The following PCDH11X variants were observed in gnomAD, a reference collection of about 807,000 sequenced individuals.
The protein encoded by PCDH11X is protocadherin 11 X-linked, also known as protocadherin-11 X-linked.
Under a neutral mutation model 53.3 loss-of-function variants are expected in PCDH11X, and 18 were observed. That is an observed-to-expected ratio of 0.34 (90% CI 0.23 to 0.50). The LOEUF is 0.50. Among genes scored for constraint, PCDH11X ranks in the 20% least tolerant of loss-of-function variants. The pLI, the probability that PCDH11X is intolerant of heterozygous loss-of-function variation, is 0.98. For missense variants in PCDH11X, 570 were observed against 1,032.4 expected (o/e 0.55, Z 6.14); for synonymous variants, 279 against 393.3 (o/e 0.71, Z 3.44).
intron 6 of PCDH11X, among the ~76,000 whole-genome samples, chrX:92,068,810 G>T (rs2063655142): frequency 9.0e-6 from 1 of 110,694 alleles, no homozygotes; most frequent in Non-Finnish European, 1.9e-5. Context: ...AAAGTGCTGT[G>T]ATTACAGGTG....
At chrX:92,396,704 A>T (rs1326638928) in intron 9 of PCDH11X, among the ~76,000 whole-genome samples, 3 of 103,977 alleles carry the variant, frequency 2.9e-5, no homozygotes, top group Non-Finnish European at 5.8e-5. Flanking sequence ...TTAGCTGGGC[A>T]TGATGGTGGG....
Position 92,485,052 on chromosome X carries a change from T to A in PCDH11X, c.3367+16730T>A, listed in dbSNP as rs767430749. Among the ~76,000 whole-genome samples the A allele has an allele frequency of 3.9e-3, 437 of 110,700 alleles. 3 individuals carry two copies. Among genetic ancestry groups the A allele is most frequent in the Middle Eastern group, 0.011 (2 of 190 alleles). On this transcript the variant is annotated intron_variant, in intron 10 of 10. Transcript: ENST00000682573. ...ACATTTATTAATACATATTTGTTTG[T>A]ATTTACATATAAAATGAGGTCTGAG...
At chrX:92,522,092 G>T (rs1024542211) in intron 10 of PCDH11X, among the ~76,000 whole-genome samples, 1 of 112,111 alleles carries the variant, frequency 8.9e-6, no homozygotes, top group African/African-American at 3.2e-5. Flanking sequence ...TCAAGACCTT[G>T]TCCTTTGCAG....
chrX:92,359,682 A>T (rs1368028580), intron 8 of PCDH11X, among the ~76,000 whole-genome samples: 2 of 110,940 alleles, frequency 1.8e-5, no homozygotes, highest in East Asian at 2.8e-4. Context: ...ATGATATCTA[A>T]CTATCTCTTC....
chrX:92,113,897 T>A, intron 6 of PCDH11X: 1 of 1,202,096 alleles, frequency 8.3e-7, no homozygotes, highest in Non-Finnish European at 1.1e-6. Context: ...AATCCACGGC[T>A]TAACATTTCG....
chrX:92,356,158 G>A (rs2070201004), intron 8 of PCDH11X, among the ~76,000 whole-genome samples: 1 of 111,389 alleles, frequency 9.0e-6, no homozygotes, highest in Admixed American at 9.5e-5. Context: ...TTTCTTTGAT[G>A]CACTAAGAAT....
intron 6 of PCDH11X, chrX:92,113,151 C>T: frequency 3.4e-6 from 3 of 891,414 alleles, no homozygotes; most frequent in Non-Finnish European, 4.5e-6. Context: ...GACAAGATGT[C>T]TATCCCTTGG....
chrX:91,822,923 C>T (rs371104660), intron 4 of PCDH11X, among the ~76,000 whole-genome samples: 11 of 110,892 alleles, frequency 9.9e-5, no homozygotes, highest in South Asian at 7.6e-4. Context: ...GCCTTGATTT[C>T]GTTATGTACC....
At chrX:92,159,190 A>T (rs186076499) in intron 6 of PCDH11X, among the ~76,000 whole-genome samples, 2,857 of 111,272 alleles carry the variant, frequency 0.026, 111 homozygotes, top group African/African-American at 0.09. Flanking sequence ...TGAAATAATA[A>T]TGAGAAATAA....
intron 9 of PCDH11X, among the ~76,000 whole-genome samples, chrX:92,405,947 T>C (rs1457252814): frequency 9.2e-6 from 1 of 108,821 alleles, no homozygotes; most frequent in Non-Finnish European, 1.9e-5. Flanking sequence ...TACAAAAAAT[T>C]AGCTGGGCGT....
chrX:91,874,042 C>T (rs1275768915), intron 5 of PCDH11X, among the ~76,000 whole-genome samples: 2 of 110,736 alleles, frequency 1.8e-5, no homozygotes, highest in Non-Finnish European at 3.8e-5. Flanking sequence ...TAGGAGAATG[C>T]TCTCACTATA....
chrX:92,172,105 C>G (rs896711856), intron 6 of PCDH11X, among the ~76,000 whole-genome samples: 6 of 109,006 alleles, frequency 5.5e-5, no homozygotes, highest in Admixed American at 2.0e-4. Flanking sequence ...TTACTTCTTC[C>G]TTTGCAATAT....
At chrX:92,581,410 C>T (rs1298656527) in intron 10 of PCDH11X, among the ~76,000 whole-genome samples, 1 of 111,224 alleles carries the variant, frequency 9.0e-6, no homozygotes, top group Non-Finnish European at 1.9e-5. Context: ...CCATACTGCT[C>T]TCATGCTAGT....
chrX:92,323,554 C>CT (rs898089682), intron 8 of PCDH11X, among the ~76,000 whole-genome samples: 26 of 108,718 alleles, frequency 2.4e-4, no homozygotes, highest in Middle Eastern at 4.6e-3. Flanking sequence ...TACTGGCTTT[C>CT]TTTTTTTTTA....
chrX:92,092,207 A>T (rs2064060758), intron 6 of PCDH11X, among the ~76,000 whole-genome samples: 1 of 111,305 alleles, frequency 9.0e-6, no homozygotes, highest in Non-Finnish European at 1.9e-5. Flanking sequence ...AGGTAGTTTG[A>T]CGTGGTTGTA....
intron 6 of PCDH11X, among the ~76,000 whole-genome samples, chrX:91,994,451 T>A (rs2062377142): frequency 9.3e-6 from 1 of 107,457 alleles, no homozygotes; most frequent in Admixed American, 1.0e-4. Flanking sequence ...GTCCTCCGTG[T>A]TCATCAATGT....
intron 10 of PCDH11X, among the ~76,000 whole-genome samples, chrX:92,496,349 T>G (rs2073859266): frequency 9.7e-6 from 1 of 102,818 alleles, no homozygotes; most frequent in Admixed American, 1.1e-4. Flanking sequence ...GGAAGTTGTT[T>G]AATTATATAA....
chrX:92,261,697 A>G (rs1264906177), intron 7 of PCDH11X, among the ~76,000 whole-genome samples: 1 of 112,306 alleles, frequency 8.9e-6, no homozygotes, highest in East Asian at 2.8e-4. Context: ...TTATATTCTT[A>G]GATATGGCTA....
At chrX:91,790,363 T>C (rs1935490652) in intron 1 of PCDH11X, among the ~76,000 whole-genome samples, 2 of 111,840 alleles carry the variant, frequency 1.8e-5, no homozygotes, top group African/African-American at 6.5e-5. Flanking sequence ...TCTTAAAATC[T>C]TTTTAAAGAA....
Sources: allele counts gnomAD v4.1 joint callset (sites outside exome capture counted in the v4.1 genomes callset), GRCh38; gene constraint gnomAD v4.1.1; transcripts MANE v1.5; gene names NCBI Gene and HGNC (gene_info 2026-07-23, HGNC 2026-07-21).